The following KPRP variants were observed in gnomAD, a reference collection of about 807,000 sequenced individuals.
The protein encoded by KPRP is keratinocyte proline rich protein.
For synonymous variants in KPRP, 282 were observed against 276.9 expected (o/e 1.02, Z -0.18); for missense variants, 820 against 746.4 (o/e 1.10, Z -1.15).
At chr1:152,760,030 T>C in exon 1 of KPRP, 1 of 1,614,188 alleles carries the variant, frequency 6.2e-7, no homozygotes, top group Non-Finnish European at 8.5e-7. Flanking sequence ...TTATGTAGAA[T>C]GCCCAGTCCA....
exon 1 of KPRP, chr1:152,760,808 G>A (rs201616422): frequency 5.6e-5 from 91 of 1,614,120 alleles, no homozygotes; most frequent in African/African-American, 3.2e-4. Context: ...CCACGTCCAC[G>A]TCTGCGCCCA....
rs147332234 is a variant in KPRP, at chr1:152,760,583, C to T, written c.995C>T (p.Pro332Leu). The T allele has an allele frequency of 3.1e-6, 5 of 1,608,852 alleles. No individual in the cohort carries two copies. In the East Asian group the frequency reaches 8.9e-5, roughly 29 times the overall value. The change falls in exon 1 of 1, where the codon CCG becomes CTG. Residue 332 changes from proline (P) to leucine (L), a missense_variant. By Grantham distance (98) the Pro-to-Leu change is moderately conservative (BLOSUM62 -3). Coordinates refer to ENST00000606109, the Ensembl canonical transcript of KPRP. ...AAGTGCCGAATCGAGATTTCCTCCC[C>T]GTGCTGCCCCAGGCAGGTTCCCCCA...
At chr1:152,759,931 T>C in exon 1 of KPRP, 1 of 1,614,212 alleles carries the variant, frequency 6.2e-7, no homozygotes, top group Admixed American at 1.7e-5. Context: ...TCCATGCCAA[T>C]CTGAGGTGTC....
At chr1:152,758,615 G>A (rs932344546), upstream of KPRP, among the ~76,000 whole-genome samples, 3 of 152,182 alleles carry the variant, frequency 2.0e-5, no homozygotes, top group Admixed American at 2.0e-4. Context: ...TAAGCATGGT[G>A]TCAGGGTGTA....
rs754797979 is a variant in KPRP at position 152,761,001 on chromosome 1, G to T, written c.1413G>T (p.Glu471Asp). Residue 471 changes from glutamate (E) to aspartate (D), a missense_variant, in exon 1 of 1, where the codon GAG (glutamate) becomes GAT (aspartate). Transcript: ENST00000606109. ...GCCTGCAGCCCTGTGAGCACCCAGAGCCTTGTCCACGACCAGAGCCAATTC... is the reference window on the plus strand; with the variant it reads ...GCCTGCAGCCCTGTGAGCACCCAGATCCTTGTCCACGACCAGAGCCAATTC... The T allele has an allele frequency of 1.1e-5, 17 of 1,612,188 alleles. No homozygotes were observed. The South Asian group carries it at 1.9e-4, about 18-fold the overall frequency.
exon 1 of KPRP, chr1:152,760,336 C>G (rs1428244418): frequency 6.2e-7 from 1 of 1,614,076 alleles, no homozygotes. Context: ...GCACCGCTCT[C>G]GGAGCACCAG....
chr1:152,761,510 T>G (rs967549167), exon 1 of KPRP: 60 of 1,184,402 alleles, frequency 5.1e-5, no homozygotes, highest in Non-Finnish European at 6.1e-5. Context: ...CTCAGATGCC[T>G]CTCCAGCCTC....
upstream of KPRP, chr1:152,759,506 C>T: frequency 6.6e-7 from 1 of 1,526,218 alleles, no homozygotes; most frequent in Non-Finnish European, 8.8e-7. Context: ...TCCTCTAGGT[C>T]CTGGCACCCC....
chr1:152,760,973 C>T, exon 1 of KPRP: 1 of 1,612,104 alleles, frequency 6.2e-7, no homozygotes, highest in Non-Finnish European at 8.5e-7. Flanking sequence ...GAGCCACGTC[C>T]ATGCCTGCAG....
At position 152,760,748 on chromosome 1, in the gene KPRP, G is replaced by A. The variant is rs1454934158; in HGVS notation, c.1160G>A (p.Arg387His). The A allele has an allele frequency of 2.5e-5, 40 of 1,614,116 alleles. No individual in the cohort carries two copies. Among genetic ancestry groups the A allele is most frequent in the Non-Finnish European group, 3.2e-5 (38 of 1,180,030 alleles). Residue 387 changes from arginine to histidine, a missense_variant, in exon 1 of 1, where the codon CGT (arginine) becomes CAT (histidine). Arg to His is a conservative substitution (Grantham distance 29). Transcript: ENST00000606109. ...CTCCCAAGCTTCTGTCCACCACGGC[G>A]TCTTGACCAGTGTCCAGAGTCACCA... is the stretch of plus-strand genomic sequence containing the variant.
chr1:152,759,891 A>G (rs772526586), exon 1 of KPRP: 13 of 1,613,994 alleles, frequency 8.1e-6, no homozygotes, highest in African/African-American at 2.7e-5. Context: ...CTGCATCCCA[A>G]TCTCAAACTT....
chr1:152,760,585 T>C, exon 1 of KPRP: 1 of 1,608,886 alleles, frequency 6.2e-7, no homozygotes, highest in South Asian at 1.1e-5. Flanking sequence ...TTCCTCCCCG[T>C]GCTGCCCCAG....
chr1:152,760,382 T>TC lies in KPRP; in HGVS notation c.799dup (p.Arg267ProfsTer10). ...CCTCCTCCTCGGCGGCTGCAGCTTT[T>TC]CCCCCGCAGCTGTTCCCCACCAAGA... On this transcript the variant is annotated frameshift_variant, in exon 1 of 1. Coordinates refer to ENST00000606109, the Ensembl canonical transcript of KPRP. LOFTEE classifies it low-confidence loss of function (END_TRUNC). 6.2e-7 allele frequency: 1 copy of TC among 1,613,898 alleles called. No individual in the cohort carries two copies. Among genetic ancestry groups the TC allele is most frequent in the Non-Finnish European group, 8.5e-7 (1 of 1,179,954 alleles).
exon 1 of KPRP, chr1:152,760,383 C>T (rs1479213586): frequency 1.2e-6 from 2 of 1,614,076 alleles, no homozygotes; most frequent in Non-Finnish European, 1.7e-6. Flanking sequence ...TGCAGCTTTT[C>T]CCCCGCAGCT....
chr1:152,759,572 C>G, exon 1 of KPRP: 2 of 1,608,320 alleles, frequency 1.2e-6, no homozygotes, highest in South Asian at 2.2e-5. Flanking sequence ...TCACTCTTGA[C>G]TGGCTGCATC....
exon 1 of KPRP, chr1:152,760,389 C>A: frequency 6.2e-7 from 1 of 1,614,172 alleles, no homozygotes; most frequent in Non-Finnish European, 8.5e-7. Context: ...TTTTCCCCCG[C>A]AGCTGTTCCC....
At chr1:152,760,707 C>T in exon 1 of KPRP, 2 of 1,613,792 alleles carry the variant, frequency 1.2e-6, no homozygotes, top group Non-Finnish European at 1.7e-6. Context: ...TGAGGCCACA[C>T]GTAGAGCCAC....
rs1284033483 is a variant in KPRP at position 152,761,200 on chromosome 1, G to A, written c.1612G>A (p.Gly538Arg). 6.2e-7 allele frequency: 1 copy of A among 1,614,056 alleles called. No individual in the cohort carries two copies. The highest frequency in any genetic ancestry group is 1.3e-5 in the African/African-American group (1 of 74,926). ...CTGTGGCCCATCCAGTTACAACCAG[G>A]GGCAAGAGAGTGGTGCTGGCTGTGG... Residue 538 changes from glycine to arginine, a missense_variant, in exon 1 of 1, where the codon GGG becomes AGG. By Grantham distance (125) the Gly-to-Arg change is moderately radical. Coordinates refer to ENST00000606109, the Ensembl canonical transcript of KPRP.
chr1:152,758,537 C>T (rs1179118208), upstream of KPRP, among the ~76,000 whole-genome samples: 1 of 152,172 alleles, frequency 6.6e-6, no homozygotes, highest in Admixed American at 6.5e-5. Flanking sequence ...GGTCAGTGGG[C>T]TGCCTGCACA....
Sources: allele counts gnomAD v4.1 joint callset (sites outside exome capture counted in the v4.1 genomes callset), GRCh38; gene constraint gnomAD v4.1.1; transcripts MANE v1.5; gene names NCBI Gene and HGNC (gene_info 2026-07-23, HGNC 2026-07-21).